Variants in MBNL1 observed in about 807,000 individuals in gnomAD.
The protein encoded by MBNL1 is muscleblind like splicing regulator 1.
In MBNL1, 8 loss-of-function variants were observed where a neutral mutation model predicts 42.2. That is an observed-to-expected ratio of 0.19 (90% CI 0.11 to 0.34). The LOEUF (loss-of-function observed/expected upper bound fraction) is 0.34, where lower values mean the gene tolerates loss of function less well. Among genes scored for constraint, MBNL1 ranks in the 10% least tolerant of loss-of-function variants. MBNL1 has a pLI of 1.00. For missense variants in MBNL1, 309 were observed against 495.3 expected (o/e 0.62, Z 3.57); for synonymous variants, 169 against 173.9 (o/e 0.97, Z 0.22).
chr3:152,402,821 T>C (rs2098283071), intron 2 of MBNL1, among the ~76,000 whole-genome samples: 1 of 152,208 alleles, frequency 6.6e-6, no homozygotes, highest in Admixed American at 6.5e-5. Flanking sequence ...TCCTATATTC[T>C]GAAATATAGT....
At chr3:152,269,841 A>G (rs1329275503) in intron 1 of MBNL1, 2 of 163,166 alleles carry the variant, frequency 1.2e-5, no homozygotes, top group South Asian at 2.4e-4. Flanking sequence ...GAAAGGTTGA[A>G]AAGAATGAAA....
At chr3:152,306,813 G>A (rs2063386196) in intron 2 of MBNL1, among the ~76,000 whole-genome samples, 1 of 152,086 alleles carries the variant, frequency 6.6e-6, no homozygotes, top group South Asian at 2.1e-4. Context: ...GGGTAAGGGA[G>A]GTGGTTGAAG....
chr3:152,339,024 C>T (rs73154174), intron 2 of MBNL1, among the ~76,000 whole-genome samples: 1 of 151,998 alleles, frequency 6.6e-6, no homozygotes, highest in Non-Finnish European at 1.5e-5. Context: ...ATTATTTTTT[C>T]AAATACCGAT....
At chr3:152,383,604 A>G (rs2097279160) in intron 2 of MBNL1, among the ~76,000 whole-genome samples, 1 of 152,076 alleles carries the variant, frequency 6.6e-6, no homozygotes, top group South Asian at 2.1e-4. Flanking sequence ...CCTGTGGAAT[A>G]GCTTCCATGG....
intron 2 of MBNL1, among the ~76,000 whole-genome samples, chr3:152,255,897 G>C (rs2035381884): frequency 6.6e-6 from 1 of 152,172 alleles, no homozygotes; most frequent in Non-Finnish European, 1.5e-5. Flanking sequence ...CAGCGCAAGG[G>C]CCAGAATGAG....
At chr3:152,373,097 G>C (rs886343925) in intron 2 of MBNL1, among the ~76,000 whole-genome samples, 1 of 152,084 alleles carries the variant, frequency 6.6e-6, no homozygotes, top group Admixed American at 6.6e-5. Flanking sequence ...TGTTTATACT[G>C]TGAGGGGAAA....
intron 1 of MBNL1, among the ~76,000 whole-genome samples, chr3:152,274,093 T>TTG (rs888448779): frequency 6.6e-6 from 1 of 152,200 alleles, no homozygotes; most frequent in Non-Finnish European, 1.5e-5. Flanking sequence ...AGAGATGTCT[T>TTG]TCTCCAAAGT....
intron 2 of MBNL1, among the ~76,000 whole-genome samples, chr3:152,250,075 T>G (rs1039716063): frequency 7.2e-5 from 11 of 152,048 alleles, no homozygotes; most frequent in Non-Finnish European, 1.5e-4. Context: ...TTTGTTCTTT[T>G]GGCTTAGGAT....
At chr3:152,368,572 G>A (rs933416319) in intron 2 of MBNL1, among the ~76,000 whole-genome samples, 2 of 152,104 alleles carry the variant, frequency 1.3e-5, no homozygotes, top group African/African-American at 2.4e-5. Flanking sequence ...AGCTTGATGG[G>A]CATAGCATTG....
At chr3:152,395,545 C>A (rs1006096390) in intron 2 of MBNL1, among the ~76,000 whole-genome samples, 4 of 152,190 alleles carry the variant, frequency 2.6e-5, no homozygotes, top group African/African-American at 9.6e-5. Context: ...TATAACCAGA[C>A]AATCAGTCAT....
At chr3:152,458,174 C>T in intron 8 of MBNL1, 1 of 1,613,882 alleles carries the variant, frequency 6.2e-7, no homozygotes. Context: ...ACATCCTGTC[C>T]TGCAGCAGCA....
chr3:152,258,412 T>C (rs144256407), intron 2 of MBNL1, among the ~76,000 whole-genome samples: 1 of 152,312 alleles, frequency 6.6e-6, no homozygotes, highest in East Asian at 1.9e-4. Flanking sequence ...TGTCTTTATG[T>C]CTAATAGCCA....
chr3:152,394,052 T>C (rs1046221946), intron 2 of MBNL1, among the ~76,000 whole-genome samples: 4 of 152,210 alleles, frequency 2.6e-5, no homozygotes, highest in Non-Finnish European at 5.9e-5. Context: ...CTACATGGTT[T>C]TCCAAAACGA....
intron 2 of MBNL1, among the ~76,000 whole-genome samples, chr3:152,305,109 A>G (rs1477855405): frequency 1.3e-5 from 2 of 152,228 alleles, no homozygotes; most frequent in Admixed American, 6.5e-5. Flanking sequence ...AGCTGAATTC[A>G]GTTTCATTGT....
intron 2 of MBNL1, among the ~76,000 whole-genome samples, chr3:152,394,764 G>A (rs1327907012): frequency 6.6e-6 from 1 of 152,230 alleles, no homozygotes; most frequent in Non-Finnish European, 1.5e-5. Flanking sequence ...GATGGAGCCT[G>A]ACTCTGGGAG....
intron 3 of MBNL1, among the ~76,000 whole-genome samples, chr3:152,430,972 T>A (rs2098998950): frequency 6.6e-6 from 1 of 152,224 alleles, no homozygotes; most frequent in African/African-American, 2.4e-5. Flanking sequence ...AATGGTATAA[T>A]CTATATTGTA....
At chr3:152,249,647 C>G (rs1407357040) in intron 2 of MBNL1, among the ~76,000 whole-genome samples, 3 of 151,124 alleles carry the variant, frequency 2.0e-5, no homozygotes, top group South Asian at 4.2e-4. Context: ...TCAATTTTGG[C>G]TTTTGTTGCC....
At chr3:152,301,936 C>T (rs918193717) in intron 2 of MBNL1, 7 of 152,166 alleles carry the variant, frequency 4.6e-5, no homozygotes, top group Non-Finnish European at 7.3e-5. Context: ...ATGGTGCACT[C>T]GTAGCTGCAA....
intron 2 of MBNL1, among the ~76,000 whole-genome samples, chr3:152,378,959 C>T (rs377278036): frequency 2.6e-5 from 4 of 151,756 alleles, no homozygotes; most frequent in African/African-American, 9.7e-5. Context: ...TAAGTGAGTC[C>T]CCCTCCTTGA....
Sources: gnomAD v4.1 joint callset for allele counts (sites outside exome capture counted in the v4.1 genomes callset) on GRCh38, gnomAD v4.1.1 for gene constraint, MANE v1.5 for transcripts, NCBI Gene and HGNC (gene_info 2026-07-23, HGNC 2026-07-21) for gene names.